NAALADL2: variants seen among roughly 807,000 people sequenced by gnomAD.
The protein encoded by NAALADL2 is N-acetylated alpha-linked acidic dipeptidase like 2, also known as inactive N-acetylated-alpha-linked acidic dipeptidase-like protein 2.
A neutral mutation model predicts 87.2 loss-of-function variants in NAALADL2; 76 were observed. The ratio of observed to expected loss-of-function variants is 0.87; its 90% CI spans 0.72 to 1.05. NAALADL2 has a LOEUF of 1.05. Among genes scored for constraint, NAALADL2 ranks in the 50% least tolerant of loss-of-function variants. The pLI is 0.00. For synonymous variants in NAALADL2, 354 were observed against 331.0 expected (o/e 1.07, Z -0.75); for missense variants, 1,089 against 945.8 (o/e 1.15, Z -1.99).
chr3:174,689,916 AACT>A (rs1360520732), intron 2 of NAALADL2, among the ~76,000 whole-genome samples: 2 of 152,118 alleles, frequency 1.3e-5, no homozygotes, highest in African/African-American at 4.8e-5. Flanking sequence ...CTTGGTCATC[AACT>A]ACTACTGTAC....
chr3:174,604,045 G>A (rs1423082358), intron 2 of NAALADL2, among the ~76,000 whole-genome samples: 3 of 152,050 alleles, frequency 2.0e-5, no homozygotes, highest in African/African-American at 2.4e-5. Context: ...ACAGCCATGC[G>A]ATAAAATGTT....
intron 1 of NAALADL2, among the ~76,000 whole-genome samples, chr3:174,445,635 T>A (rs1483913255): frequency 1.3e-5 from 2 of 152,178 alleles, no homozygotes; most frequent in East Asian, 3.8e-4. Context: ...CACACATATA[T>A]AACTATTAGA....
At chr3:175,323,492 A>G (rs1243238477) in intron 4 of NAALADL2, among the ~76,000 whole-genome samples, 2 of 151,918 alleles carry the variant, frequency 1.3e-5, no homozygotes, top group African/African-American at 4.8e-5. Context: ...GTATAATAAT[A>G]ATAAAAAAAA....
chr3:175,803,213 G>A lies in NAALADL2; in HGVS notation c.*10G>A. ...GGATGGGAAGAATTGAGAAAACTCT[G>A]AGCATTTTTAAAAGTTTGTTTACAA... On this transcript the variant is annotated 3_prime_UTR_variant, in exon 14 of 14. Coordinates refer to ENST00000454872, the MANE Select transcript of NAALADL2 (RefSeq NM_207015.3). The A allele has an allele frequency of 6.4e-7, 1 of 1,572,632 alleles. No individual in the cohort carries two copies. The highest frequency in any genetic ancestry group is 8.6e-7 in the Non-Finnish European group (1 of 1,158,128).
At position 174,884,968 on chromosome 3, in the gene NAALADL2, C is replaced by CA. The variant is rs1331713322; in HGVS notation, c.43+25519dup. Reference sequence around the variant, plus strand: ...TCAGGGGAGGCCATCACTGTTGTCTCAGGCAGCACAGTGTTTATCTCCTCA... The same window carrying CA: ...TCAGGGGAGGCCATCACTGTTGTCTCAAGGCAGCACAGTGTTTATCTCCTCA... On this transcript the variant is annotated intron_variant, in intron 1 of 13. Transcript: ENST00000454872. Among the ~76,000 whole-genome samples, 85 of 152,224 alleles carry CA rather than the reference C, an allele frequency of 5.6e-4. 1 individual carries two copies. The highest frequency in any genetic ancestry group is 1.9e-3 in the African/African-American group (81 of 41,546).
At chr3:174,730,512 G>A (rs574918950) in intron 2 of NAALADL2, among the ~76,000 whole-genome samples, 2 of 152,096 alleles carry the variant, frequency 1.3e-5, no homozygotes, top group East Asian at 3.9e-4. Context: ...AAAGAATATT[G>A]AATAAAATGT....
intron 10 of NAALADL2, among the ~76,000 whole-genome samples, chr3:175,593,254 C>T (rs900600575): frequency 5.3e-5 from 8 of 152,040 alleles, no homozygotes; most frequent in Admixed American, 3.3e-4. Flanking sequence ...CCATAAATAA[C>T]ATAATATTTC....
intron 1 of NAALADL2, among the ~76,000 whole-genome samples, chr3:174,898,254 T>A (rs1171322657): frequency 6.6e-6 from 1 of 151,606 alleles, no homozygotes; most frequent in Non-Finnish European, 1.5e-5. Flanking sequence ...TGTTCTCACT[T>A]CTTTGTGTGA....
intron 5 of NAALADL2, among the ~76,000 whole-genome samples, chr3:175,351,926 C>T (rs1763819444): frequency 6.6e-6 from 1 of 152,100 alleles, no homozygotes; most frequent in South Asian, 2.1e-4. Flanking sequence ...AACCTCCAGT[C>T]ATTTTATCCA....
chr3:175,433,335 A>G (rs1033774880), intron 5 of NAALADL2, among the ~76,000 whole-genome samples: 16 of 152,050 alleles, frequency 1.1e-4, no homozygotes, highest in African/African-American at 3.6e-4. Flanking sequence ...TGGGTTGTGA[A>G]GAAGATTAAA....
chr3:175,120,220 A>ATT (rs1281053039), intron 2 of NAALADL2, among the ~76,000 whole-genome samples: 1 of 151,740 alleles, frequency 6.6e-6, no homozygotes, highest in African/African-American at 2.4e-5. Flanking sequence ...CCATGTAGAC[A>ATT]TTTTACAACC....
chr3:174,891,253 C>T (rs986088341), intron 1 of NAALADL2, among the ~76,000 whole-genome samples: 4 of 151,896 alleles, frequency 2.6e-5, no homozygotes, highest in Non-Finnish European at 4.4e-5. Context: ...TCTAAGGTGG[C>T]AAAACAGAAA....
chr3:175,642,499 C>CTTTTTTTTTTTTTTT (rs1206070195), intron 11 of NAALADL2, among the ~76,000 whole-genome samples: 1 of 141,404 alleles, frequency 7.1e-6, no homozygotes, highest in Non-Finnish European at 1.5e-5. Context: ...TCACCCAAAT[C>CTTTTTTTTTTTTTTT]TTTTTTTTTT....
chr3:175,272,881 G>T (rs1306662611), intron 4 of NAALADL2, among the ~76,000 whole-genome samples: 1 of 151,728 alleles, frequency 6.6e-6, no homozygotes, highest in Non-Finnish European at 1.5e-5. Context: ...TAATAGAAGG[G>T]AAAATCAAAG....
In NAALADL2 at chr3:174,987,822, ATATAT is replaced by A. The variant is rs1746169892; in HGVS notation, c.44-108967_44-108963del. Reference sequence around the variant, plus strand: ...TATATATATATATAATTATATATATATATATAATGAGACCTTGTCTCTCCAAGGTC... The same window carrying A: ...TATATATATATATAATTATATATATAAATGAGACCTTGTCTCTCCAAGGTC... On this transcript the variant is annotated intron_variant, in intron 1 of 13. Transcript: ENST00000454872. Among the ~76,000 whole-genome samples the A allele has an allele frequency of 7.1e-5, 10 of 141,032 alleles. 2 individuals carry two copies. The highest frequency in any genetic ancestry group is 2.8e-4 in the African/African-American group (10 of 35,632). 92.5% of individuals were successfully genotyped at this position (141,032 alleles called of 152,430 possible). A position where few individuals can be genotyped will look rare whatever the true frequency, so the allele number is the denominator to read the frequency against.
intron 9 of NAALADL2, among the ~76,000 whole-genome samples, chr3:175,492,195 T>C (rs1328461797): frequency 6.6e-6 from 1 of 152,218 alleles, no homozygotes; most frequent in Non-Finnish European, 1.5e-5. Flanking sequence ...GTTTATCTCT[T>C]ACAGTTGAAC....
chr3:174,584,251 A>G (rs1169828096), intron 2 of NAALADL2, among the ~76,000 whole-genome samples: 1 of 152,086 alleles, frequency 6.6e-6, no homozygotes, highest in Non-Finnish European at 1.5e-5. Context: ...TACTTTATCC[A>G]GAAAACGTAT....
intron 11 of NAALADL2, among the ~76,000 whole-genome samples, chr3:175,713,392 G>A (rs1280776186): frequency 6.6e-6 from 1 of 152,000 alleles, no homozygotes; most frequent in Non-Finnish European, 1.5e-5. Flanking sequence ...GACAGTCTGT[G>A]GTGATTCATA....
chr3:174,754,864 A>G (rs1370136731), intron 3 of NAALADL2, among the ~76,000 whole-genome samples: 1 of 152,170 alleles, frequency 6.6e-6, no homozygotes, highest in Non-Finnish European at 1.5e-5. Flanking sequence ...CCTTGCTACC[A>G]TTCTTTGTGA....
Sources: allele counts gnomAD v4.1 joint callset (sites outside exome capture counted in the v4.1 genomes callset), GRCh38; gene constraint gnomAD v4.1.1; transcripts MANE v1.5; gene names NCBI Gene and HGNC (gene_info 2026-07-23, HGNC 2026-07-21).